Variants in KIF5C observed in about 807,000 individuals in gnomAD.
KIF5C encodes the protein kinesin family member 5C.
In KIF5C, 18 loss-of-function variants were observed where a neutral mutation model predicts 125.2. The observed-to-expected ratio is 0.14, with a 90% CI of 0.10 to 0.21. The LOEUF is 0.21. KIF5C is among the 10% of genes least tolerant of loss of function. The pLI is 1.00. For synonymous variants in KIF5C, 405 were observed against 434.0 expected (o/e 0.93, Z 0.83); for missense variants, 780 against 1,183.8 (o/e 0.66, Z 5.01).
chr2:148,957,736 C>T (rs1279807658), intron 10 of KIF5C, among the ~76,000 whole-genome samples: 1 of 151,822 alleles, frequency 6.6e-6, no homozygotes, highest in Non-Finnish European at 1.5e-5. Flanking sequence ...TTTCTTAACT[C>T]AATTTTTATT....
intron 11 of KIF5C, among the ~76,000 whole-genome samples, chr2:148,963,895 C>T (rs1438557864): frequency 6.6e-6 from 1 of 152,158 alleles, no homozygotes; most frequent in African/African-American, 2.4e-5. Context: ...GCCTTGTTTG[C>T]CTGACTCACC....
intron 11 of KIF5C, among the ~76,000 whole-genome samples, chr2:148,966,467 T>G (rs963932497): frequency 2.0e-5 from 3 of 151,782 alleles, no homozygotes; most frequent in Non-Finnish European, 4.4e-5. Flanking sequence ...AGGCAGATAA[T>G]GGAGATAACT....
chr2:148,926,477 G>A (rs1254946688), intron 2 of KIF5C, among the ~76,000 whole-genome samples: 1 of 152,236 alleles, frequency 6.6e-6, no homozygotes, highest in Non-Finnish European at 1.5e-5. Flanking sequence ...GTGGGCCCAG[G>A]AGCGGGCACT....
intron 25 of KIF5C, among the ~76,000 whole-genome samples, chr2:149,019,642 A>C (rs369831980): frequency 1.1e-4 from 16 of 152,228 alleles, no homozygotes; most frequent in African/African-American, 3.6e-4. Flanking sequence ...CCAAAGCTCC[A>C]ATGAGATAAA....
intron 2 of KIF5C, among the ~76,000 whole-genome samples, chr2:148,927,726 A>G (rs1461503453): frequency 5.9e-5 from 9 of 152,096 alleles, no homozygotes; most frequent in Non-Finnish European, 8.8e-5. Context: ...GCTCTGGCCT[A>G]AGGAATCTTT....
Position 149,025,616 on chromosome 2 carries a change from C to T in KIF5C, c.*2546C>T, listed in dbSNP as rs1471690888. 6.6e-6 allele frequency: 1 copy of T among 152,136 alleles called. No individual in the cohort carries two copies. Among genetic ancestry groups the T allele is most frequent in the African/African-American group, 2.4e-5 (1 of 41,422 alleles). 9.4% of individuals were successfully genotyped at this position (152,136 alleles called of 1,614,324 possible). On this transcript the variant is annotated 3_prime_UTR_variant, in exon 26 of 26. Transcript: ENST00000435030. Reference sequence around the variant, plus strand: ...CTAGCATGTATTGTGTCTTTTTCTCCTCTATGAATAATTTTATATTTCATG... The same window carrying T: ...CTAGCATGTATTGTGTCTTTTTCTCTTCTATGAATAATTTTATATTTCATG...
At chr2:148,911,423 T>C (rs746153682) in intron 1 of KIF5C, among the ~76,000 whole-genome samples, 19 of 152,218 alleles carry the variant, frequency 1.2e-4, no homozygotes, top group South Asian at 2.1e-4. Context: ...CTTGTGAATA[T>C]TGAGGATATT....
At chr2:148,973,645 T>C in intron 12 of KIF5C, 134 bp downstream of exon 12, 1 of 1,276,598 alleles carries the variant, frequency 7.8e-7, no homozygotes, top group East Asian at 2.6e-5. Context: ...CCCTAGCACT[T>C]TGATGGTGCA....
chr2:148,977,393 AAG>A (rs1681105985), intron 12 of KIF5C, among the ~76,000 whole-genome samples: 1 of 152,154 alleles, frequency 6.6e-6, no homozygotes, highest in Non-Finnish European at 1.5e-5. Flanking sequence ...GTCCCAGGAG[AAG>A]AGATGGTGGC....
At position 149,005,289 on chromosome 2, in the gene KIF5C, G is replaced by A. The variant is rs755997894; in HGVS notation, c.2374-104G>A. 1.2e-4 allele frequency: 191 copies of A among 1,533,210 alleles called. 1 individual carries two copies. The highest frequency in any genetic ancestry group is 1.8e-4 in the Admixed American group (9 of 50,870). The allele number at this position is 1,533,210 out of a possible 1,614,324, so 95.0% of individuals were successfully genotyped here. A position where few individuals can be genotyped will look rare whatever the true frequency, so the allele number is the denominator to read the frequency against. On this transcript the variant is annotated intron_variant, in intron 21 of 25. Transcript: ENST00000435030. ...ACAGGGAAGGGGGTGCACCAGCGGC[G>A]TCCATGGCAGGCTTGGGAAGTGTCG...
At chr2:148,957,759 G>A (rs911523229) in intron 10 of KIF5C, among the ~76,000 whole-genome samples, 6 of 151,816 alleles carry the variant, frequency 4.0e-5, no homozygotes, top group Non-Finnish European at 7.4e-5. Context: ...ATATAATATA[G>A]TAAAATACAT....
At chr2:148,913,131 G>A (rs2105069984) in intron 1 of KIF5C, among the ~76,000 whole-genome samples, 1 of 152,284 alleles carries the variant, frequency 6.6e-6, no homozygotes. Flanking sequence ...ATATGTAGAA[G>A]CAAGCCATTG....
chr2:148,992,767 A>G (rs1056309726), intron 16 of KIF5C, among the ~76,000 whole-genome samples: 3 of 152,250 alleles, frequency 2.0e-5, no homozygotes, highest in African/African-American at 7.2e-5. Context: ...TTGCTTTAGA[A>G]CTTTATTTTT....
At chr2:148,967,627 G>T (rs1025223940) in intron 11 of KIF5C, among the ~76,000 whole-genome samples, 10 of 152,126 alleles carry the variant, frequency 6.6e-5, no homozygotes, top group African/African-American at 2.4e-4. Flanking sequence ...TGGCTGAAAA[G>T]CAACAAATGT....
At chr2:148,947,164 C>T in intron 8 of KIF5C, 141 bp downstream of exon 8, 1 of 1,293,518 alleles carries the variant, frequency 7.7e-7, no homozygotes, top group African/African-American at 1.5e-5. Context: ...GGTGTTATTA[C>T]ATTTAACCCT....
At chr2:148,928,306 G>C (rs1418786699) in intron 2 of KIF5C, among the ~76,000 whole-genome samples, 1 of 152,140 alleles carries the variant, frequency 6.6e-6, no homozygotes, top group Non-Finnish European at 1.5e-5. Context: ...CCTCAGTGTG[G>C]GGTCCTTCTC....
At chr2:149,022,112 G>C (rs1201656014) in intron 25 of KIF5C, among the ~76,000 whole-genome samples, 1 of 152,154 alleles carries the variant, frequency 6.6e-6, no homozygotes, top group African/African-American at 2.4e-5. Flanking sequence ...CGATGGAGAC[G>C]AAGCATACCT....
chr2:148,991,925 C>T (rs1483628727), intron 16 of KIF5C, among the ~76,000 whole-genome samples: 1 of 152,186 alleles, frequency 6.6e-6, no homozygotes, highest in Non-Finnish European at 1.5e-5. Flanking sequence ...AAAACAGCAA[C>T]CCAGTTTCTG....
chr2:148,896,569 G>A (rs1303875522), intron 1 of KIF5C, among the ~76,000 whole-genome samples: 1 of 152,182 alleles, frequency 6.6e-6, no homozygotes, highest in East Asian at 1.9e-4. Flanking sequence ...CGAATGTTTT[G>A]GTAAGGGATT....
Sources: allele counts gnomAD v4.1 joint callset (sites outside exome capture counted in the v4.1 genomes callset), GRCh38; gene constraint gnomAD v4.1.1; transcripts MANE v1.5; gene names NCBI Gene and HGNC (gene_info 2026-07-23, HGNC 2026-07-21).